The following NOS1 variants were observed in gnomAD, a reference collection of about 807,000 sequenced individuals.
The protein encoded by NOS1 is NOS type I.
In NOS1, 51 loss-of-function variants were observed where a neutral mutation model predicts 164.5. The observed-to-expected ratio is 0.31, with a 90% CI of 0.25 to 0.39. The LOEUF is 0.39. Among genes scored for constraint, NOS1 ranks in the 10% least tolerant of loss-of-function variants. The pLI is 1.00. For missense variants in NOS1, 1,362 were observed against 1,885.6 expected (o/e 0.72, Z 5.14); for synonymous variants, 719 against 745.8 (o/e 0.96, Z 0.59).
chr12:117,339,339 C>T (rs1238073788), intron 1 of NOS1, among the ~76,000 whole-genome samples: 21 of 152,166 alleles, frequency 1.4e-4, no homozygotes, highest in Admixed American at 1.4e-3. Context: ...ACAGGCTCAG[C>T]TTAGAGTTAC....
At chr12:117,318,369 C>G (rs1239022328) in intron 2 of NOS1, among the ~76,000 whole-genome samples, 1 of 152,184 alleles carries the variant, frequency 6.6e-6, no homozygotes, top group African/African-American at 2.4e-5. Context: ...TTAGAGATGT[C>G]AGCCTTTCCT....
intron 1 of NOS1, among the ~76,000 whole-genome samples, chr12:117,346,422 G>A (rs1342876070): frequency 5.3e-5 from 8 of 152,128 alleles, no homozygotes; most frequent in Non-Finnish European, 8.8e-5. Flanking sequence ...AGTGAGCCAC[G>A]ATCACACCAC....
Position 117,277,750 on chromosome 12 carries a change from G to T in NOS1, c.1664+209C>A, listed in dbSNP as rs542292687. Reference sequence around the variant, plus strand: ...AGGAGTGAGATGATTCAGAAAAGGTGGTGGTCCCCAGGCTGGTCAAAGAGG... The same window carrying T: ...AGGAGTGAGATGATTCAGAAAAGGTTGTGGTCCCCAGGCTGGTCAAAGAGG... On this transcript the variant is annotated intron_variant, in intron 9 of 28. Transcript: ENST00000317775. 5.9e-5 allele frequency among the ~76,000 whole-genome samples: 9 copies of T among 152,288 alleles called. No homozygotes were observed. The South Asian group carries it at 1.9e-3, about 32-fold the overall frequency.
intron 3 of NOS1, among the ~76,000 whole-genome samples, chr12:117,294,297 G>T (rs1030029242): frequency 6.6e-6 from 1 of 152,152 alleles, no homozygotes; most frequent in African/African-American, 2.4e-5. Context: ...GAGGAGCAGG[G>T]TGTGGCCTGT....
intron 2 of NOS1, among the ~76,000 whole-genome samples, chr12:117,322,599 CTCCT>C (rs1875028135): frequency 7.2e-6 from 1 of 139,134 alleles, no homozygotes; most frequent in African/African-American, 2.7e-5. Flanking sequence ...CTTTCCCTCC[CTCCT>C]TCCTTTCTTC....
At chr12:117,232,827 C>T (rs1869360501) in intron 21 of NOS1, among the ~76,000 whole-genome samples, 1 of 152,092 alleles carries the variant, frequency 6.6e-6, no homozygotes, top group African/African-American at 2.4e-5. Flanking sequence ...TATTTCAACA[C>T]AGAGGAAGTA....
In NOS1 at chr12:117,211,990, G is replaced by T; in HGVS notation, c.*3319C>A. On this transcript the variant is annotated 3_prime_UTR_variant, in exon 29 of 29. Coordinates refer to ENST00000317775, the MANE Select transcript of NOS1 (RefSeq NM_000620.5). ...CGAGGCAGAAGAATCACTTGAACTG[G>T]GGGAGGCAGAGGATGCAGTGAGCTG... 1 of 706,448 alleles carries T rather than the reference G, an allele frequency of 1.4e-6. No homozygotes were observed. Among genetic ancestry groups the T allele is most frequent in the Non-Finnish European group, 1.7e-6 (1 of 575,130 alleles). 43.8% of individuals were successfully genotyped at this position (706,448 alleles called of 1,614,324 possible). A position where few individuals can be genotyped will look rare whatever the true frequency, so the allele number is the denominator to read the frequency against.
intron 9 of NOS1, among the ~76,000 whole-genome samples, chr12:117,274,797 G>GACATTA (rs1407059733): frequency 6.8e-6 from 1 of 146,394 alleles, no homozygotes; most frequent in East Asian, 2.0e-4. Flanking sequence ...AAAAAGAAAG[G>GACATTA]ACATTAACAT....
intron 20 of NOS1, among the ~76,000 whole-genome samples, chr12:117,239,749 T>C (rs575009918): frequency 1.4e-3 from 216 of 152,112 alleles, no homozygotes; most frequent in African/African-American, 4.9e-3. Flanking sequence ...CTGGAAACGG[T>C]ATTAAGCTTG....
In NOS1 at chr12:117,290,336, C is replaced by T. The variant is rs56219642; in HGVS notation, c.943G>A (p.Val315Met). The change falls in exon 4 of 29, where the codon GTG (valine) becomes ATG (methionine). Residue 315 changes from valine to methionine, a missense_variant. Around this residue, in one of 4 missense-constraint regions of NOS1, gnomAD observed 129 missense variants for 186.0 expected, o/e 0.69. Coordinates refer to ENST00000317775, the MANE Select transcript of NOS1 (RefSeq NM_000620.5). ...AGGTGGAGGGTGTCAGTGAGAACCA[C>T]CTCAGTCTCCCAGTTCTTGACCTTG... is the stretch of plus-strand genomic sequence containing the variant. Reference protein sequence around the residue: ...FLKVKNWETEVVLTDTLHLKS... With the variant: ...FLKVKNWETEMVLTDTLHLKS... The T allele has an allele frequency of 2.5e-6, 4 of 1,614,110 alleles. 1 individual carries two copies. Among genetic ancestry groups the T allele is most frequent in the South Asian group, 2.2e-5 (2 of 91,066 alleles).
At chr12:117,334,900 C>T (rs1457493217) in intron 1 of NOS1, among the ~76,000 whole-genome samples, 1 of 152,148 alleles carries the variant, frequency 6.6e-6, no homozygotes, top group Non-Finnish European at 1.5e-5. Flanking sequence ...CATGAGGCTC[C>T]GTAGGGAGAG....
intron 26 of NOS1, among the ~76,000 whole-genome samples, chr12:117,221,373 T>C (rs1490993272): frequency 2.0e-5 from 3 of 151,588 alleles, no homozygotes; most frequent in Non-Finnish European, 2.9e-5. Flanking sequence ...GGTCTCAAAC[T>C]CCTGGCCTCA....
chr12:117,267,387 G>C (rs1872501490), intron 11 of NOS1, among the ~76,000 whole-genome samples: 1 of 152,198 alleles, frequency 6.6e-6, no homozygotes. Flanking sequence ...AGGAGTTCAA[G>C]ACCAGCCTGG....
chr12:117,208,686 T>C lies in NOS1; in HGVS notation c.*6623A>G. Reference sequence around the variant, plus strand: ...GAACCAACACCAAGGACACAGTGTCTTATTGAAACAGACTGCCATCCTCTG... The same window carrying C: ...GAACCAACACCAAGGACACAGTGTCCTATTGAAACAGACTGCCATCCTCTG... On this transcript the variant is annotated 3_prime_UTR_variant, in exon 29 of 29. Coordinates refer to ENST00000317775, the MANE Select transcript of NOS1 (RefSeq NM_000620.5). 1 of 1,055,074 alleles carries C rather than the reference T, an allele frequency of 9.5e-7. No homozygotes were observed. The highest frequency in any genetic ancestry group is 1.7e-5 in the African/African-American group (1 of 58,432). 65.4% of individuals were successfully genotyped at this position (1,055,074 alleles called of 1,614,324 possible). A position where few individuals can be genotyped will look rare whatever the true frequency, so the allele number is the denominator to read the frequency against.
At chr12:117,265,942 C>A (rs1592967478) in intron 11 of NOS1, among the ~76,000 whole-genome samples, 2 of 145,790 alleles carry the variant, frequency 1.4e-5, no homozygotes, top group Middle Eastern at 3.5e-3. Context: ...AGGCGCCCGC[C>A]ACCACGCCTG....
intron 3 of NOS1, among the ~76,000 whole-genome samples, chr12:117,308,639 C>T (rs1874276401): frequency 1.3e-5 from 2 of 151,652 alleles, no homozygotes; most frequent in Admixed American, 1.3e-4. Context: ...CTCTGTCGCC[C>T]AGGCTGGAGT....
Position 117,211,774 on chromosome 12 carries a change from T to A in NOS1, c.*3535A>T, listed in dbSNP as rs1413420000. On this transcript the variant is annotated 3_prime_UTR_variant, in exon 29 of 29. Transcript: ENST00000317775. ...AGACGGGTGTCTCTCTCCATCAGAT[T>A]ATAACCTTTGGCTGGGCGTGGTGGC... is the stretch of plus-strand genomic sequence containing the variant. 4 of 985,222 alleles carry A rather than the reference T, an allele frequency of 4.1e-6. No homozygotes were observed. The African/African-American group carries it at 7.0e-5, about 17-fold the overall frequency. 61.0% of individuals were successfully genotyped at this position (985,222 alleles called of 1,614,324 possible).
intron 8 of NOS1, 74 bp from the exon 9 acceptor site, chr12:117,278,172 G>T: frequency 6.8e-7 from 1 of 1,479,644 alleles, no homozygotes; most frequent in Non-Finnish European, 9.0e-7. Flanking sequence ...TGGGAAGCGG[G>T]GGTGGGGTGG....
Position 117,330,221 on chromosome 12 carries a change from A to G in NOS1, c.725+124T>C. ...GGCCGTCAAGTGGTTATGCAAAAAC[A>G]GGTATCTGAGACAGCCCAGGTTGGC... On this transcript the variant is annotated intron_variant, in intron 2 of 28. Transcript: ENST00000317775. The surrounding 1 kb of genome is among the most constrained non-coding windows in gnomAD (Gnocchi z 4.6). The G allele has an allele frequency of 7.1e-7, 1 of 1,403,438 alleles. No homozygotes were observed. Among genetic ancestry groups the G allele is most frequent in the Non-Finnish European group, 9.3e-7 (1 of 1,074,858 alleles). 86.9% of individuals were successfully genotyped at this position (1,403,438 alleles called of 1,614,324 possible).
Sources: gnomAD v4.1 joint callset for allele counts (sites outside exome capture counted in the v4.1 genomes callset) on GRCh38, gnomAD v4.1.1 for gene constraint, gnomAD v4.1.1 regional missense constraint, Gnocchi (gnomAD v3.1) non-coding constraint, MANE v1.5 for transcripts, NCBI Gene and HGNC (gene_info 2026-07-23, HGNC 2026-07-21) for gene names.